KAT7: variants seen among roughly 807,000 people sequenced by gnomAD.
The protein encoded by KAT7 is histone acetyltransferase KAT7.
A neutral mutation model predicts 82.1 loss-of-function variants in KAT7; 10 were observed. The observed-to-expected ratio is 0.12, with a 90% CI of 0.08 to 0.21. The LOEUF is 0.21. KAT7 is among the 10% of genes least tolerant of loss of function. The pLI, the probability that KAT7 is intolerant of heterozygous loss-of-function variation, is 1.00. For synonymous variants in KAT7, 250 were observed against 262.5 expected (o/e 0.95, Z 0.46); for missense variants, 378 against 760.9 (o/e 0.50, Z 5.92).
At chr17:49,789,673 T>TA (rs1276762724) in intron 1 of KAT7, 1 of 152,148 alleles carries the variant, frequency 6.6e-6, no homozygotes, top group African/African-American at 2.4e-5. Flanking sequence ...AAATGTCTAT[T>TA]GACTACTTTC....
intron 7 of KAT7, among the ~76,000 whole-genome samples, chr17:49,814,569 A>T (rs113475798): frequency 2.6e-5 from 4 of 152,370 alleles, no homozygotes; most frequent in African/African-American, 9.6e-5. Flanking sequence ...CTTACCTAAA[A>T]TCATACAGGC....
intron 8 of KAT7, among the ~76,000 whole-genome samples, chr17:49,816,916 A>G (rs192880605): frequency 1.3e-5 from 2 of 151,832 alleles, no homozygotes; most frequent in East Asian, 1.9e-4. Context: ...TGCTCAAGCG[A>G]TTCTCCCACG....
intron 5 of KAT7, 85 bp from the exon 6 acceptor site, chr17:49,809,034 C>G (rs1598069750): frequency 9.9e-7 from 1 of 1,012,236 alleles, no homozygotes; most frequent in East Asian, 2.5e-5. Context: ...AACATAAATC[C>G]AAGGCATTAT....
At chr17:49,792,470 AAT>A (rs987770821) in intron 2 of KAT7, among the ~76,000 whole-genome samples, 1 of 152,090 alleles carries the variant, frequency 6.6e-6, no homozygotes, top group Admixed American at 6.5e-5. Flanking sequence ...GTGCTAAAAC[AAT>A]ATGCATTCAG....
chr17:49,808,120 C>CTTTT (rs71146937), intron 5 of KAT7, among the ~76,000 whole-genome samples: 39 of 112,802 alleles, frequency 3.5e-4, no homozygotes, highest in African/African-American at 6.4e-4. Flanking sequence ...CCCAGGTTTT[C>CTTTT]TTTTTTTTTT....
intron 4 of KAT7, among the ~76,000 whole-genome samples, chr17:49,802,600 G>A (rs2143886406): frequency 6.6e-6 from 1 of 151,866 alleles, no homozygotes; most frequent in African/African-American, 2.4e-5. Context: ...TTGGGAGGTG[G>A]TGGTTGCAGT....
intron 9 of KAT7, 116 bp downstream of exon 9, chr17:49,818,127 G>A: frequency 1.3e-6 from 1 of 748,320 alleles, no homozygotes; most frequent in Non-Finnish European, 2.2e-6. Context: ...CCTCAGCAGT[G>A]GGATGAAGGC....
At position 49,809,136 on chromosome 17, in the gene KAT7, G is replaced by C; in HGVS notation, c.681G>C (p.Arg227=). The change falls in exon 6 of 15, where the codon CGG becomes CGC. Residue 227 remains arginine, a synonymous_variant. Transcript: ENST00000259021. ...ADECKVRAQS[R]DKQIEERMLS... Reference sequence around the variant, plus strand: ...GGTTGCAGGTGAGAGCACAGAGCCGGGATAAGCAGATAGAAGAAAGGATGC... The same window carrying C: ...GGTTGCAGGTGAGAGCACAGAGCCGCGATAAGCAGATAGAAGAAAGGATGC... 6.2e-7 allele frequency: 1 copy of C among 1,614,034 alleles called. No individual in the cohort carries two copies. The highest frequency in any genetic ancestry group is 8.5e-7 in the Non-Finnish European group (1 of 1,179,934).
chr17:49,795,877 A>C (rs531726080), intron 2 of KAT7, among the ~76,000 whole-genome samples: 7 of 152,186 alleles, frequency 4.6e-5, no homozygotes, highest in Non-Finnish European at 1.0e-4. Context: ...ACATTTGGCT[A>C]ATTGGTCTGT....
At chr17:49,816,906 T>C (rs2074241869) in intron 8 of KAT7, among the ~76,000 whole-genome samples, 1 of 152,112 alleles carries the variant, frequency 6.6e-6, no homozygotes, top group South Asian at 2.1e-4. Flanking sequence ...CGACCTTCAG[T>C]GCTCAAGCGA....
At chr17:49,808,600 G>A (rs2074122147) in intron 5 of KAT7, among the ~76,000 whole-genome samples, 1 of 151,332 alleles carries the variant, frequency 6.6e-6, no homozygotes, top group Non-Finnish European at 1.5e-5. Context: ...ACAGGCGCCT[G>A]CCACCATGCC....
intron 7 of KAT7, chr17:49,815,430 A>T (rs1479684192): frequency 6.3e-6 from 1 of 159,096 alleles, no homozygotes; most frequent in Admixed American, 6.5e-5. Flanking sequence ...GCTCCTTCCA[A>T]ATCTCAGGAT....
At chr17:49,811,777 T>C (rs1033085027) in intron 7 of KAT7, among the ~76,000 whole-genome samples, 1 of 152,130 alleles carries the variant, frequency 6.6e-6, no homozygotes, top group African/African-American at 2.4e-5. Context: ...CTTGGGAAAA[T>C]GAAATACAAT....
At chr17:49,818,809 G>T (rs143174566) in intron 9 of KAT7, among the ~76,000 whole-genome samples, 76 of 151,994 alleles carry the variant, frequency 5.0e-4, no homozygotes, top group African/African-American at 1.8e-3. Context: ...CGCGATCTTG[G>T]CTCACTGCAA....
At chr17:49,799,463 C>T (rs149303417) in intron 4 of KAT7, among the ~76,000 whole-genome samples, 385 of 151,796 alleles carry the variant, frequency 2.5e-3, no homozygotes, top group Non-Finnish European at 3.9e-3. Context: ...TCACTGCAAC[C>T]TCCGCCTCCC....
chr17:49,803,036 A>G (rs1040491762), intron 4 of KAT7, among the ~76,000 whole-genome samples: 4 of 149,006 alleles, frequency 2.7e-5, no homozygotes, highest in Non-Finnish European at 5.9e-5. Flanking sequence ...AGCTGATGCT[A>G]CATTGTATGT....
At chr17:49,796,704 C>A in intron 2 of KAT7, 46 bp from the exon 3 acceptor site, 2 of 1,460,076 alleles carry the variant, frequency 1.4e-6, no homozygotes, top group Non-Finnish European at 1.9e-6. Flanking sequence ...GGAAGTAAAA[C>A]AGATTTCCAT....
At chr17:49,804,157 A>T (rs1165426134) in intron 4 of KAT7, among the ~76,000 whole-genome samples, 1 of 152,160 alleles carries the variant, frequency 6.6e-6, no homozygotes, top group Non-Finnish European at 1.5e-5. Context: ...AGGCGGGCAG[A>T]TCACGAGGTC....
At chr17:49,813,629 CTT>C (rs982311120) in intron 7 of KAT7, among the ~76,000 whole-genome samples, 3 of 152,078 alleles carry the variant, frequency 2.0e-5, no homozygotes, top group African/African-American at 7.3e-5. Context: ...TGTGTACAGA[CTT>C]TTTCTTGTCA....
Sources: allele counts gnomAD v4.1 joint callset (sites outside exome capture counted in the v4.1 genomes callset), GRCh38; gene constraint gnomAD v4.1.1; transcripts MANE v1.5; gene names NCBI Gene and HGNC (gene_info 2026-07-23, HGNC 2026-07-21).